Variants in CACNA2D4 observed in about 807,000 individuals in gnomAD.
CACNA2D4 encodes voltage-dependent calcium channel subunit alpha-2/delta-4.
Under a neutral mutation model 163.8 loss-of-function variants are expected in CACNA2D4, and 157 were observed. The observed-to-expected ratio is 0.96, with a 90% CI of 0.84 to 1.09. CACNA2D4 has a LOEUF of 1.09. Among genes scored for constraint, CACNA2D4 ranks in the 50% least tolerant of loss-of-function variants. The probability of loss-of-function intolerance (pLI) is 0.00; values close to 1 mark genes in which losing one functional copy is unlikely to be tolerated. For synonymous variants in CACNA2D4, 598 were observed against 586.9 expected, an observed-to-expected ratio of 1.02 and a Z score of -0.27; for missense variants, 1,410 against 1,479.9, an observed-to-expected ratio of 0.95 and a Z score of 0.78.
At chr12:1,822,628 T>G (rs1864152167) in intron 26 of CACNA2D4, among the ~76,000 whole-genome samples, 1 of 152,080 alleles carries the variant, frequency 6.6e-6, no homozygotes, top group Non-Finnish European at 1.5e-5. Context: ...GAAACGGGGG[T>G]GCAGGAGGCT....
chr12:1,800,430 A>G lies in CACNA2D4; in HGVS notation c.2877T>C (p.Ser959=). The G allele has an allele frequency of 6.2e-7, 1 of 1,613,876 alleles. No individual in the cohort carries two copies. The highest frequency in any genetic ancestry group is 8.5e-7 in the Non-Finnish European group (1 of 1,179,862). Residue 959 remains serine (S), a synonymous_variant, in exon 32 of 38, where the codon TCT becomes TCC. Transcript: ENST00000382722. Reference sequence around the variant, plus strand: ...GCCACCTGGTCGCCGTCAAGAAGGCAGAAATTGGCTGGGAAGGAGAGAGTG... The same window carrying G: ...GCCACCTGGTCGCCGTCAAGAAGGCGGAAATTGGCTGGGAAGGAGAGAGTG... The part of the protein sequence containing the change: ...SAAQPLVSPI[S]AFLTATRWLL...
At chr12:1,856,287 C>T (rs1865399263) in intron 20 of CACNA2D4, 58 bp from the exon 21 acceptor site, 4 of 1,586,708 alleles carry the variant, frequency 2.5e-6, no homozygotes, top group Non-Finnish European at 3.5e-6. Context: ...GGGTGTGTGT[C>T]TCAATTGTAG....
chr12:1,833,010 G>A lies in CACNA2D4; in HGVS notation c.2551+7729C>T, dbSNP rs1371984783. The stretch of plus-strand genomic sequence containing the variant: ...TTTGCTGCAGGCCACCGAGGTGTCA[G>A]CCGCACAGGGGAACTAGGCCGGGTG... On this transcript the variant is annotated intron_variant, in intron 26 of 37. Coordinates refer to ENST00000382722, the MANE Select transcript of CACNA2D4 (RefSeq NM_172364.5). The surrounding 1 kb of genome is among the most constrained non-coding windows in gnomAD (Gnocchi z 4.2). Among the ~76,000 whole-genome samples, 1 of 152,180 alleles carries A rather than the reference G, an allele frequency of 6.6e-6. No individual in the cohort carries two copies. The highest frequency in any genetic ancestry group is 6.5e-5 in the Admixed American group (1 of 15,280).
At chr12:1,826,117 G>A (rs543632826) in intron 26 of CACNA2D4, among the ~76,000 whole-genome samples, 3 of 152,108 alleles carry the variant, frequency 2.0e-5, no homozygotes, top group Non-Finnish European at 2.9e-5. Context: ...AAAGAAAGCC[G>A]TCACAATAGA....
At chr12:1,854,158 A>G (rs755112354) in intron 22 of CACNA2D4, 114 bp from the exon 23 acceptor site, 147 of 684,874 alleles carry the variant, frequency 2.1e-4, no homozygotes, top group Middle Eastern at 1.5e-3. Context: ...TCTATGGGAC[A>G]TGTAAAACTA....
Position 1,834,895 on chromosome 12 carries a change from G to A in CACNA2D4, c.2551+5844C>T. 1 of 1,270,550 alleles carries A rather than the reference G, an allele frequency of 7.9e-7. No homozygotes were observed. Among genetic ancestry groups the A allele is most frequent in the South Asian group, 1.6e-5 (1 of 62,450 alleles). 78.7% of individuals were successfully genotyped at this position (1,270,550 alleles called of 1,614,324 possible). A position where few individuals can be genotyped will look rare whatever the true frequency, so the allele number is the denominator to read the frequency against. On this transcript the variant is annotated intron_variant, in intron 26 of 37. Transcript: ENST00000382722. The surrounding 1 kb of genome is among the most constrained non-coding windows in gnomAD (Gnocchi z 7.6). ...TCTCCCTGCACTTTCGAGGCTCCCT[G>A]AAAGCCACCGTGCTGGGGGCTCCTG...
At chr12:1,815,120 G>T (rs982895289) in intron 26 of CACNA2D4, among the ~76,000 whole-genome samples, 1 of 152,160 alleles carries the variant, frequency 6.6e-6, no homozygotes, top group Non-Finnish European at 1.5e-5. Flanking sequence ...TCAAACTCTT[G>T]ACCTCAAGTG....
intron 6 of CACNA2D4, among the ~76,000 whole-genome samples, chr12:1,906,828 T>C (rs1176331567): frequency 6.6e-6 from 1 of 152,256 alleles, no homozygotes; most frequent in Non-Finnish European, 1.5e-5. Context: ...TGGAGTCCTC[T>C]CGGGCCTTTC....
In CACNA2D4 at chr12:1,844,850, A is replaced by T. The variant is rs563332548; in HGVS notation, c.2343-321T>A. Among the ~76,000 whole-genome samples, 21 of 152,168 alleles carry T rather than the reference A, an allele frequency of 1.4e-4. No homozygotes were observed. The highest frequency in any genetic ancestry group is 5.9e-5 in the Non-Finnish European group (4 of 68,036). On this transcript the variant is annotated intron_variant, in intron 24 of 37. Coordinates refer to ENST00000382722, the MANE Select transcript of CACNA2D4 (RefSeq NM_172364.5). This position sits in a 1 kb window ranked among gnomAD's most constrained non-coding sequence, Gnocchi z 4.2. ...ATTTCTTCTTGTCTGGCTCGTTGGC[A>T]CGTCTGAGGGAGGAAGCTGTAGTCA...
chr12:1,796,421 G>A (rs1863129657), intron 35 of CACNA2D4, among the ~76,000 whole-genome samples: 1 of 152,274 alleles, frequency 6.6e-6, no homozygotes, highest in Non-Finnish European at 1.5e-5. Flanking sequence ...TTTTGCAGAT[G>A]AGAGAATGGA....
Position 1,874,921 on chromosome 12 carries a change from G to C in CACNA2D4, c.1807-246C>G, listed in dbSNP as rs190844610. ...GCATTGGGGTACAGAGTGCCAAGTT[G>C]CTGGGACATAATTTCCTCTAGGACG... On this transcript the variant is annotated intron_variant, in intron 17 of 37. Transcript: ENST00000382722. This position sits in a 1 kb window ranked among gnomAD's most constrained non-coding sequence, Gnocchi z 4.4. 6.6e-6 allele frequency among the ~76,000 whole-genome samples: 1 copy of C among 152,168 alleles called. No individual in the cohort carries two copies. The highest frequency in any genetic ancestry group is 1.5e-5 in the Non-Finnish European group (1 of 68,038).
Position 1,879,052 on chromosome 12 carries a change from C to T in CACNA2D4, c.1564-16G>A, listed in dbSNP as rs1332255961. 6 of 1,610,642 alleles carry T rather than the reference C, an allele frequency of 3.7e-6. No homozygotes were observed. The highest frequency in any genetic ancestry group is 5.1e-6 in the Non-Finnish European group (6 of 1,177,036). ...CATGGGATCGCTGGAAGGAAAGACA[C>T]AAGGGGTGGGGGAGACCCAGCTTCC... On this transcript the variant is annotated splice_polypyrimidine_tract_variant and intron_variant, in intron 14 of 37. Coordinates refer to ENST00000382722, the MANE Select transcript of CACNA2D4 (RefSeq NM_172364.5).
intron 25 of CACNA2D4, among the ~76,000 whole-genome samples, chr12:1,842,545 C>T (rs919592244): frequency 6.6e-6 from 1 of 152,184 alleles, no homozygotes; most frequent in African/African-American, 2.4e-5. Flanking sequence ...GCCCCGCCTC[C>T]CTCCTCACCA....
At chr12:1,845,900 T>C (rs1190223830) in intron 24 of CACNA2D4, among the ~76,000 whole-genome samples, 1 of 152,202 alleles carries the variant, frequency 6.6e-6, no homozygotes, top group African/African-American at 2.4e-5. Context: ...GTTCTCTGCC[T>C]CCCACAGTGT....
In CACNA2D4 at chr12:1,844,419, C is replaced by T. The variant is rs750502929; in HGVS notation, c.2453G>A (p.Arg818His). The change falls in exon 25 of 38, where the codon CGC becomes CAC. Residue 818 changes from arginine to histidine, a missense_variant. Arg to His is a conservative substitution (Grantham distance 29). Coordinates refer to ENST00000382722, the MANE Select transcript of CACNA2D4 (RefSeq NM_172364.5). This position sits in a 1 kb window ranked among gnomAD's most constrained non-coding sequence, Gnocchi z 4.2. ...HPAGSFVFNL[R>H]WAEGPESAGE... ...TGTGTTACCTGGTCCTTCTGCCCAG[C>T]GGAGGTTGAAGACGAAGCTGCCAGC... The T allele has an allele frequency of 5.6e-6, 9 of 1,613,530 alleles. No homozygotes were observed. The Admixed American group carries it at 8.3e-5, about 15-fold the overall frequency.
Position 1,833,433 on chromosome 12 carries a change from G to C in CACNA2D4, c.2551+7306C>G, listed in dbSNP as rs1342858355. Among the ~76,000 whole-genome samples, 1 of 152,144 alleles carries C rather than the reference G, an allele frequency of 6.6e-6. No homozygotes were observed. The highest frequency in any genetic ancestry group is 1.5e-5 in the Non-Finnish European group (1 of 68,016). The stretch of plus-strand genomic sequence containing the variant: ...CTCACCCCAGCCCTGTCCTGCATCT[G>C]TGTCTCCCTCTGTCCAAGCCAGCCT... On this transcript the variant is annotated intron_variant, in intron 26 of 37. Coordinates refer to ENST00000382722, the MANE Select transcript of CACNA2D4 (RefSeq NM_172364.5). This position sits in a 1 kb window ranked among gnomAD's most constrained non-coding sequence, Gnocchi z 4.2.
chr12:1,800,479 A>G (rs986811523), intron 31 of CACNA2D4, 41 bp from the exon 32 acceptor site: 88 of 1,598,250 alleles, frequency 5.5e-5, no homozygotes, highest in Non-Finnish European at 7.3e-5. Flanking sequence ...CCTAGGTCCA[A>G]GGGTGAGGGT....
chr12:1,854,080 T>G, intron 22 of CACNA2D4, 36 bp from the exon 23 acceptor site: 1 of 1,492,610 alleles, frequency 6.7e-7, no homozygotes, highest in Non-Finnish European at 9.2e-7. Flanking sequence ...GGCCACATGC[T>G]TCCTCCATGC....
In CACNA2D4 at chr12:1,819,987, C is replaced by T. The variant is rs1323677859; in HGVS notation, c.2552-8264G>A. Among the ~76,000 whole-genome samples, 3 of 152,328 alleles carry T rather than the reference C, an allele frequency of 2.0e-5. No homozygotes were observed. In the East Asian group the frequency reaches 5.8e-4, roughly 29 times the overall value. On this transcript the variant is annotated intron_variant, in intron 26 of 37. Transcript: ENST00000382722. ...CCCTGGCTTTGTGGGGGCTCAGGGC[C>T]CTTTCCTGTAGGGTCATCTGGCACA...
Sources: allele counts gnomAD v4.1 joint callset (sites outside exome capture counted in the v4.1 genomes callset), GRCh38; gene constraint gnomAD v4.1.1; non-coding constraint Gnocchi (gnomAD v3.1); transcripts MANE v1.5; gene names NCBI Gene and HGNC (gene_info 2026-07-23, HGNC 2026-07-21).